MATCAP2: variants seen among roughly 807,000 people sequenced by gnomAD.
MATCAP2 encodes the protein putative tyrosine carboxypeptidase MATCAP2.
At chr7:36,348,792 G>A in the MATCAP2 span, among the ~76,000 whole-genome samples, 1 of 152,166 alleles carries the variant, frequency 6.6e-6, no homozygotes, top group Non-Finnish European at 1.5e-5. Flanking sequence ...GGAAATAGAG[G>A]ACATTCCATG....
the MATCAP2 span, among the ~76,000 whole-genome samples, chr7:36,332,119 C>T: frequency 6.6e-6 from 1 of 151,574 alleles, no homozygotes; most frequent in South Asian, 2.1e-4. Context: ...CATAATAAAA[C>T]ATGAAAAACA....
At chr7:36,352,825 CA>C in the MATCAP2 span, among the ~76,000 whole-genome samples, 4,090 of 104,236 alleles carry the variant, frequency 0.039, 207 homozygotes, top group East Asian at 0.26. Flanking sequence ...ACTCCCATCT[CA>C]AAAAAAAAAA....
At chr7:36,361,423 C>T in the MATCAP2 span, among the ~76,000 whole-genome samples, 3 of 152,106 alleles carry the variant, frequency 2.0e-5, no homozygotes, top group Non-Finnish European at 4.4e-5. Context: ...CAGTTTTGAC[C>T]TACAAATGGA....
the MATCAP2 span, among the ~76,000 whole-genome samples, chr7:36,382,861 G>A: frequency 6.6e-6 from 1 of 152,184 alleles, no homozygotes; most frequent in Admixed American, 6.5e-5. Flanking sequence ...AGTGTGATAA[G>A]TACATAAAAT....
At chr7:36,389,879 C>G in the MATCAP2 span, 1 of 1,420,622 alleles carries the variant, frequency 7.0e-7, no homozygotes, top group Non-Finnish European at 9.8e-7. Flanking sequence ...TCACTGGAAG[C>G]CGAGAGGAGA....
the MATCAP2 span, among the ~76,000 whole-genome samples, chr7:36,371,995 G>A: frequency 6.6e-6 from 1 of 151,886 alleles, no homozygotes; most frequent in Non-Finnish European, 1.5e-5. Flanking sequence ...GATTAAAGGT[G>A]TCAGCCACCA....
At chr7:36,350,129 A>G in the MATCAP2 span, among the ~76,000 whole-genome samples, 2 of 152,220 alleles carry the variant, frequency 1.3e-5, no homozygotes, top group African/African-American at 4.8e-5. Flanking sequence ...CAAAGATAAA[A>G]TAATATTTCA....
the MATCAP2 span, chr7:36,330,902 G>T: frequency 1.3e-6 from 1 of 797,226 alleles, no homozygotes; most frequent in Non-Finnish European, 2.1e-6. Context: ...GTGAAGCTAA[G>T]TCTTATTTAA....
the MATCAP2 span, among the ~76,000 whole-genome samples, chr7:36,381,935 A>C: frequency 6.6e-6 from 1 of 152,172 alleles, no homozygotes; most frequent in East Asian, 1.9e-4. Context: ...TTAGAAGATC[A>C]CTAAATTCAT....
chr7:36,337,292 AT>A, the MATCAP2 span, among the ~76,000 whole-genome samples: 1 of 151,996 alleles, frequency 6.6e-6, no homozygotes, highest in Admixed American at 6.6e-5. Flanking sequence ...AAGTTGAGAT[AT>A]TTTTTCACAT....
the MATCAP2 span, among the ~76,000 whole-genome samples, chr7:36,370,775 C>G: frequency 6.6e-6 from 1 of 152,238 alleles, no homozygotes; most frequent in African/African-American, 2.4e-5. Flanking sequence ...GCCACCACGC[C>G]TCGCCATTAA....
At chr7:36,357,162 T>G in the MATCAP2 span, 1 of 1,614,204 alleles carries the variant, frequency 6.2e-7, no homozygotes, top group African/African-American at 1.3e-5. Context: ...ACCTTGCTTT[T>G]GGGTTTAGGT....
chr7:36,369,802 T>C, the MATCAP2 span, among the ~76,000 whole-genome samples: 7 of 152,156 alleles, frequency 4.6e-5, no homozygotes, highest in Admixed American at 1.3e-4. Context: ...TACATACATA[T>C]AAAAATTAGA....
the MATCAP2 span, among the ~76,000 whole-genome samples, chr7:36,381,562 T>C: frequency 6.6e-6 from 1 of 151,538 alleles, no homozygotes; most frequent in Non-Finnish European, 1.5e-5. Context: ...TCCCAGCTAC[T>C]TGGGAGGCTG....
the MATCAP2 span, chr7:36,334,133 G>A: frequency 1.8e-3 from 2,939 of 1,613,466 alleles, 2 homozygotes; most frequent in Non-Finnish European, 2.3e-3. Flanking sequence ...GCTGCTGGAG[G>A]TTGTTAATAC....
At chr7:36,361,811 CAG>C in the MATCAP2 span, among the ~76,000 whole-genome samples, 11 of 152,168 alleles carry the variant, frequency 7.2e-5, no homozygotes, top group African/African-American at 2.7e-4. Flanking sequence ...GCTCATATAA[CAG>C]AAGACTATAC....
the MATCAP2 span, chr7:36,324,927 T>C: frequency 1.3e-5 from 2 of 152,364 alleles, no homozygotes; most frequent in Admixed American, 1.3e-4. Flanking sequence ...GTGATTTTCC[T>C]TTATATTTAA....
At chr7:36,370,984 G>C in the MATCAP2 span, among the ~76,000 whole-genome samples, 1 of 152,178 alleles carries the variant, frequency 6.6e-6, no homozygotes, top group Non-Finnish European at 1.5e-5. Flanking sequence ...ATGAATATCT[G>C]TAAGGATGAT....
chr7:36,371,092 G>A, the MATCAP2 span, among the ~76,000 whole-genome samples: 1 of 152,058 alleles, frequency 6.6e-6, no homozygotes, highest in Non-Finnish European at 1.5e-5. Context: ...TATAGGTAAA[G>A]AACGTATTTA....
Sources: gnomAD v4.1 joint callset for allele counts (sites outside exome capture counted in the v4.1 genomes callset) on GRCh38, gnomAD v4.1.1 for gene constraint, MANE v1.5 for transcripts, NCBI Gene and HGNC (gene_info 2026-07-23, HGNC 2026-07-21) for gene names.